The following MTHFD1L variants were observed in gnomAD, a reference collection of about 807,000 sequenced individuals.
MTHFD1L encodes monofunctional C1-tetrahydrofolate synthase, mitochondrial.
In MTHFD1L, 81 loss-of-function variants were observed where a neutral mutation model predicts 119.5. The observed-to-expected ratio is 0.68, with a 90% CI of 0.57 to 0.82. The LOEUF is 0.82. Ranked by LOEUF, MTHFD1L falls within the 40% of genes least tolerant of loss-of-function variation. The pLI is 0.00. For missense variants in MTHFD1L, 1,125 were observed against 1,253.4 expected, an observed-to-expected ratio of 0.90 and a Z score of 1.55; for synonymous variants, 430 against 475.2, an observed-to-expected ratio of 0.90 and a Z score of 1.24.
At position 150,865,794 on chromosome 6, in the gene MTHFD1L, T is replaced by G; in HGVS notation, c.-29T>G. 1 of 1,290,906 alleles carries G rather than the reference T, an allele frequency of 7.7e-7. No homozygotes were observed. 80.0% of individuals were successfully genotyped at this position (1,290,906 alleles called of 1,614,324 possible). On this transcript the variant is annotated 5_prime_UTR_variant, in exon 1 of 28. Transcript: ENST00000367321. ...GCCGCCCTCGGCAGCCGCAGCTCCGTGTCCCCTGAGAACCAGCCGTCCCGC... is the reference window on the plus strand; with the variant it reads ...GCCGCCCTCGGCAGCCGCAGCTCCGGGTCCCCTGAGAACCAGCCGTCCCGC...
chr6:150,931,797 G>T (rs1583625632), intron 11 of MTHFD1L, among the ~76,000 whole-genome samples: 1 of 152,270 alleles, frequency 6.6e-6, no homozygotes, highest in African/African-American at 2.4e-5. Flanking sequence ...TTTTCAGATT[G>T]TGTCCAAATG....
chr6:151,026,751 C>G lies in MTHFD1L; in HGVS notation c.2587-7742C>G, dbSNP rs989475178. Among the ~76,000 whole-genome samples the G allele has an allele frequency of 9.9e-5, 15 of 150,756 alleles. 1 individual carries two copies. The highest frequency in any genetic ancestry group is 2.9e-4 in the African/African-American group (12 of 41,054). On this transcript the variant is annotated intron_variant, in intron 24 of 27. Transcript: ENST00000367321. Reference sequence around the variant, plus strand: ...GTCCCACTCAGCCCTGTGTTTGACACCATTTCACCTTGGCTTCTGCCTTTC... The same window carrying G: ...GTCCCACTCAGCCCTGTGTTTGACAGCATTTCACCTTGGCTTCTGCCTTTC...
chr6:150,990,169 C>T lies in MTHFD1L; in HGVS notation c.2125+18111C>T, dbSNP rs185901782. On this transcript the variant is annotated intron_variant, in intron 20 of 27. Coordinates refer to ENST00000367321, the MANE Select transcript of MTHFD1L (RefSeq NM_015440.5). ...TGGTGCGTGCCTGTAGTCCCAGCTA[C>T]TTGGGAGGCTGAGGCAGGAGAATCG... 3.2e-3 allele frequency among the ~76,000 whole-genome samples: 485 copies of T among 151,966 alleles called. 4 individuals carry two copies. The highest frequency in any genetic ancestry group is 0.011 in the African/African-American group (459 of 41,436).
chr6:150,927,015 C>A (rs1226991156), intron 11 of MTHFD1L, among the ~76,000 whole-genome samples: 1 of 152,160 alleles, frequency 6.6e-6, no homozygotes, highest in Non-Finnish European at 1.5e-5. Flanking sequence ...ATTTCAGTGA[C>A]TATTGCTTAT....
intron 20 of MTHFD1L, among the ~76,000 whole-genome samples, chr6:150,975,642 G>A (rs1379754751): frequency 6.6e-6 from 1 of 152,134 alleles, no homozygotes; most frequent in East Asian, 1.9e-4. Flanking sequence ...TCCCCTGTCT[G>A]GGCCTCCTCT....
chr6:150,929,028 C>T (rs1790545028), intron 11 of MTHFD1L, among the ~76,000 whole-genome samples: 1 of 152,156 alleles, frequency 6.6e-6, no homozygotes, highest in Non-Finnish European at 1.5e-5. Context: ...GAACCCCAAA[C>T]TTAATGTCCC....
chr6:151,078,494 G>T (rs1006259098), intron 26 of MTHFD1L, among the ~76,000 whole-genome samples: 2 of 152,252 alleles, frequency 1.3e-5, no homozygotes, highest in Middle Eastern at 3.4e-3. Flanking sequence ...GCTTAGCTGG[G>T]TTCTCTGCTT....
intron 10 of MTHFD1L, among the ~76,000 whole-genome samples, chr6:150,922,706 C>CAA (rs1789194173): frequency 6.9e-6 from 1 of 144,180 alleles, no homozygotes. Flanking sequence ...TGCAATGGTG[C>CAA]GATCTCGGCT....
chr6:150,881,062 G>A (rs987221693), intron 4 of MTHFD1L, among the ~76,000 whole-genome samples: 3 of 152,000 alleles, frequency 2.0e-5, no homozygotes, highest in East Asian at 3.9e-4. Flanking sequence ...TTGATTGTTT[G>A]CTTTGCTATG....
intron 19 of MTHFD1L, among the ~76,000 whole-genome samples, chr6:150,968,844 T>TAA (rs1797614077): frequency 1.5e-5 from 2 of 137,360 alleles, no homozygotes; most frequent in African/African-American, 5.4e-5. Context: ...TTTTAAATAA[T>TAA]TCTTTTTTTT....
intron 7 of MTHFD1L, among the ~76,000 whole-genome samples, chr6:150,889,470 T>C (rs1782871575): frequency 6.6e-6 from 1 of 152,236 alleles, no homozygotes; most frequent in South Asian, 2.1e-4. Flanking sequence ...AAGTTTTTCT[T>C]TCTGAAAAGA....
Position 151,003,977 on chromosome 6 carries a change from C to G in MTHFD1L, c.2126-5842C>G, listed in dbSNP as rs1781003399. ...ATGAACCCATATTTTAAAGGGCCTT[C>G]TAATGAAGTGAGGATGTTAATGCTT... On this transcript the variant is annotated intron_variant, in intron 20 of 27. Transcript: ENST00000367321. 4.4e-5 allele frequency among the ~76,000 whole-genome samples: 6 copies of G among 137,148 alleles called. No homozygotes were observed. In the Admixed American group the frequency reaches 4.7e-4, roughly 11 times the overall value. 90.0% of individuals were successfully genotyped at this position (137,148 alleles called of 152,430 possible).
chr6:150,932,833 A>G (rs1791355888), intron 11 of MTHFD1L, among the ~76,000 whole-genome samples: 1 of 145,410 alleles, frequency 6.9e-6, no homozygotes, highest in Non-Finnish European at 1.5e-5. Context: ...GAAGGAAGGA[A>G]GGAAGGAAGG....
chr6:150,984,761 T>C (rs934947564), intron 20 of MTHFD1L, among the ~76,000 whole-genome samples: 7 of 152,246 alleles, frequency 4.6e-5, no homozygotes, highest in African/African-American at 1.7e-4. Context: ...ATGGTACTAA[T>C]ACATCTTACA....
At chr6:151,004,450 G>A (rs1346913610) in intron 20 of MTHFD1L, among the ~76,000 whole-genome samples, 2 of 152,278 alleles carry the variant, frequency 1.3e-5, no homozygotes, top group East Asian at 1.9e-4. Context: ...AGAATATCAT[G>A]GATACTACAT....
At chr6:151,091,607 C>G (rs1405895075) in intron 26 of MTHFD1L, among the ~76,000 whole-genome samples, 3 of 152,192 alleles carry the variant, frequency 2.0e-5, no homozygotes, top group Admixed American at 6.5e-5. Context: ...TAAGTGTCCT[C>G]TGTCCTCATC....
intron 20 of MTHFD1L, among the ~76,000 whole-genome samples, chr6:150,975,610 A>G (rs1024516874): frequency 6.6e-6 from 1 of 152,112 alleles, no homozygotes; most frequent in African/African-American, 2.4e-5. Context: ...TCCAAATGTC[A>G]CTCAGACTTG....
At chr6:150,910,796 C>T (rs1786756683) in intron 8 of MTHFD1L, among the ~76,000 whole-genome samples, 1 of 152,100 alleles carries the variant, frequency 6.6e-6, no homozygotes, top group Non-Finnish European at 1.5e-5. Flanking sequence ...TGCCATGTCA[C>T]CTGCACACAA....
intron 7 of MTHFD1L, among the ~76,000 whole-genome samples, chr6:150,898,430 T>C (rs1160549999): frequency 6.6e-6 from 1 of 151,524 alleles, no homozygotes; most frequent in Non-Finnish European, 1.5e-5. Context: ...GCCTGGAGAG[T>C]TTCTCAAAGG....
Sources: allele counts gnomAD v4.1 joint callset (sites outside exome capture counted in the v4.1 genomes callset), GRCh38; gene constraint gnomAD v4.1.1; transcripts MANE v1.5; gene names NCBI Gene and HGNC (gene_info 2026-07-23, HGNC 2026-07-21).